ACSF2: variants seen among roughly 807,000 people sequenced by gnomAD.
ACSF2 encodes acyl-CoA synthetase family member 2, also known as medium-chain acyl-CoA ligase ACSF2, mitochondrial.
In ACSF2, 52 loss-of-function variants were observed where a neutral mutation model predicts 79.3. That is an observed-to-expected ratio of 0.66 (90% confidence interval 0.53 to 0.83). The LOEUF (loss-of-function observed/expected upper bound fraction) is 0.83. Among genes scored for constraint, ACSF2 ranks in the 40% least tolerant of loss-of-function variants. ACSF2 has a pLI of 0.00. For missense variants in ACSF2, 661 were observed against 803.3 expected (o/e 0.82, Z 2.14); for synonymous variants, 283 against 312.6 (o/e 0.91, Z 1.00).
chr17:50,438,628 G>A (rs940415620), intron 1 of ACSF2, among the ~76,000 whole-genome samples: 18 of 151,882 alleles, frequency 1.2e-4, no homozygotes, highest in Non-Finnish European at 1.8e-4. Flanking sequence ...GTACGACAGC[G>A]CTGTCTAGGC....
In ACSF2 at chr17:50,473,858, A is replaced by G. The variant is rs1330079148; in HGVS notation, c.1618-36A>G. 3 of 1,610,604 alleles carry G rather than the reference A, an allele frequency of 1.9e-6. No homozygotes were observed. In the African/African-American group the frequency reaches 4.0e-5, roughly 22 times the overall value. ...CCAGAAACAAGAAACACACATGAAC[A>G]CGGTGATGTCTGATATTTTTCTTTG... On this transcript the variant is annotated intron_variant, in intron 13 of 15. Coordinates refer to ENST00000300441, the MANE Select transcript of ACSF2 (RefSeq NM_025149.6).
rs762702800 is a variant in ACSF2, at chr17:50,465,294, CT to C, written c.1215+1001del. On this transcript the variant is annotated intron_variant, in intron 10 of 15. Coordinates refer to ENST00000300441, the MANE Select transcript of ACSF2 (RefSeq NM_025149.6). ...GGGGACCTGTTTACCTGGCCCCCAC[CT>C]GTTTAATGGCGGCCAGCTTTCTTGG... The C allele has an allele frequency of 3.8e-5, 61 of 1,614,100 alleles. 1 individual carries two copies. The South Asian group carries it at 6.3e-4, about 17-fold the overall frequency.
chr17:50,465,323 C>T, intron 10 of ACSF2: 4 of 1,614,086 alleles, frequency 2.5e-6, no homozygotes, highest in South Asian at 1.1e-5. Context: ...TTTCTTGGAC[C>T]TCTTGGTGGG....
At position 50,463,118 on chromosome 17, in the gene ACSF2, GAGA is replaced by G. The variant is rs757654058; in HGVS notation, c.793-35_793-33del. On this transcript the variant is annotated intron_variant, in intron 6 of 15. Transcript: ENST00000300441. This position sits in a 1 kb window ranked among gnomAD's most constrained non-coding sequence, Gnocchi z 4.6. Reference sequence around the variant, plus strand: ...CAGTGGCCCAGGGTGGGAAGGAGATGAGAAGGAGGCCAAGCCATGCCCTGTTTG... The same window carrying G: ...CAGTGGCCCAGGGTGGGAAGGAGATGAGGAGGCCAAGCCATGCCCTGTTTG... 1.3e-6 allele frequency: 2 copies of G among 1,572,294 alleles called. No homozygotes were observed. Among genetic ancestry groups the G allele is most frequent in the Admixed American group, 1.7e-5 (1 of 59,430 alleles).
chr17:50,447,434 G>C (rs527561227), intron 1 of ACSF2, among the ~76,000 whole-genome samples: 3 of 151,924 alleles, frequency 2.0e-5, no homozygotes, highest in Admixed American at 6.6e-5. Context: ...CAGCTACTCG[G>C]GGGGTGCTGG....
At chr17:50,468,888 C>A (rs992981893) in intron 10 of ACSF2, 127 of 1,434,440 alleles carry the variant, frequency 8.9e-5, no homozygotes, top group East Asian at 2.8e-4. Flanking sequence ...CCTAGGCGCT[C>A]GGGTCTGCCG....
intron 1 of ACSF2, among the ~76,000 whole-genome samples, chr17:50,435,970 T>C (rs1471453197): frequency 6.6e-6 from 1 of 152,070 alleles, no homozygotes; most frequent in Non-Finnish European, 1.5e-5. Flanking sequence ...ATCTTGCTTT[T>C]GGTGTCAAGC....
In ACSF2 at chr17:50,430,580, G is replaced by A. The variant is rs185064830; in HGVS notation, c.128+4191G>A. ...CTTGGGAGGCTGAGGCAGGAGAATC[G>A]CTTAAACCCGGGAGGAGAAGGTTGC... On this transcript the variant is annotated intron_variant, in intron 1 of 15. Coordinates refer to ENST00000300441, the MANE Select transcript of ACSF2 (RefSeq NM_025149.6). Among the ~76,000 whole-genome samples, 168 of 152,206 alleles carry A rather than the reference G, an allele frequency of 1.1e-3. 2 individuals are homozygous for A. Among genetic ancestry groups the A allele is most frequent in the African/African-American group, 3.9e-3 (163 of 41,528 alleles).
At chr17:50,452,044 A>T (rs1434033204) in intron 1 of ACSF2, among the ~76,000 whole-genome samples, 7 of 152,062 alleles carry the variant, frequency 4.6e-5, no homozygotes, top group Admixed American at 4.6e-4. Context: ...CTTGCTCCTG[A>T]CTTCTCTACT....
Position 50,474,593 on chromosome 17 carries a change from C to A in ACSF2, c.*41C>A, listed in dbSNP as rs531889168. On this transcript the variant is annotated 3_prime_UTR_variant, in exon 16 of 16. Transcript: ENST00000300441. This position sits in a 1 kb window ranked among gnomAD's most constrained non-coding sequence, Gnocchi z 4.2. Reference sequence around the variant, plus strand: ...TGTCCTGGCCGGTTGGCTTGACTCTCTCCTGTCAGAATGCAACCTGGCTTT... The same window carrying A: ...TGTCCTGGCCGGTTGGCTTGACTCTATCCTGTCAGAATGCAACCTGGCTTT... The A allele has an allele frequency of 1.2e-6, 2 of 1,602,882 alleles. No individual in the cohort carries two copies. Among genetic ancestry groups the A allele is most frequent in the Non-Finnish European group, 1.7e-6 (2 of 1,170,220 alleles).
intron 12 of ACSF2, 65 bp from the exon 13 acceptor site, chr17:50,473,600 C>G: frequency 1.2e-6 from 2 of 1,608,106 alleles, no homozygotes; most frequent in South Asian, 1.1e-5. Context: ...AAATGTTTCA[C>G]GACTGAGCAA....
rs765996539 is a variant in ACSF2, at chr17:50,473,732, C to A, written c.1543C>A (p.Arg515=). 2 of 1,614,078 alleles carry A rather than the reference C, an allele frequency of 1.2e-6. No individual in the cohort carries two copies. The highest frequency in any genetic ancestry group is 8.5e-7 in the Non-Finnish European group (1 of 1,180,046). ...IVGRSKDMII[R]GGENIYPAEL... ...GGGCCGCTCTAAGGATATGATCATC[C>A]GGGGTGGTGAGAACATCTACCCCGC... Residue 515 remains arginine (R), a synonymous_variant, in exon 13 of 16, where the codon CGG becomes AGG. Coordinates refer to ENST00000300441, the MANE Select transcript of ACSF2 (RefSeq NM_025149.6).
At position 50,470,996 on chromosome 17, in the gene ACSF2, C is replaced by G. The variant is rs377415722; in HGVS notation, c.1216-32C>G. The G allele has an allele frequency of 2.6e-6, 4 of 1,527,088 alleles. No individual in the cohort carries two copies. The African/African-American group carries it at 5.5e-5, about 21-fold the overall frequency. The allele number at this position is 1,527,088 out of a possible 1,614,324, so 94.6% of individuals were successfully genotyped here. A position where few individuals can be genotyped will look rare whatever the true frequency, so the allele number is the denominator to read the frequency against. On this transcript the variant is annotated intron_variant, in intron 10 of 15. Transcript: ENST00000300441. The stretch of plus-strand genomic sequence containing the variant: ...ACCTGATCCCTCTGCACGTGCTGAG[C>G]CCTCTTCAAACACCCTTTCTGGACC...
rs957199769 is a variant in ACSF2 at position 50,464,021 on chromosome 17, C to A, written c.1138+112C>A. 7.6e-6 allele frequency: 5 copies of A among 654,230 alleles called. No homozygotes were observed. In the African/African-American group the frequency reaches 9.7e-5, roughly 13 times the overall value. The allele number at this position is 654,230 out of a possible 1,614,324, so 40.5% of individuals were successfully genotyped here. On this transcript the variant is annotated intron_variant, in intron 9 of 15. Transcript: ENST00000300441. ...TCTTTTATATAGGGGGCAAGAAGGA[C>A]GCTGTAAAAATGTGGGTGGGAGGGA...
chr17:50,471,035 A>G lies in ACSF2; in HGVS notation c.1223A>G (p.Tyr408Cys), dbSNP rs2143801151. 1 of 1,613,838 alleles carries G rather than the reference A, an allele frequency of 6.2e-7. No homozygotes were observed. The highest frequency in any genetic ancestry group is 8.5e-7 in the Non-Finnish European group (1 of 1,179,848). ...KINMKDLVVA[Y>C]GTTENSPVTF... ...CCTTTCTGGACCCTCTAGGTTGCTT[A>G]TGGAACCACAGAGAACAGTCCCGTG... The change falls in exon 11 of 16, where the codon TAT becomes TGT. Residue 408 changes from tyrosine (Y) to cysteine (C), a missense_variant. By Grantham distance (194) the Tyr-to-Cys change is radical. Transcript: ENST00000300441. The surrounding 1 kb of genome is among the most constrained non-coding windows in gnomAD (Gnocchi z 4.1).
chr17:50,442,571 A>T (rs2031008736), intron 1 of ACSF2, among the ~76,000 whole-genome samples: 1 of 151,822 alleles, frequency 6.6e-6, no homozygotes, highest in South Asian at 2.1e-4. Context: ...GCTCAATCAA[A>T]CATCCTGCCT....
chr17:50,438,187 T>C (rs1598394686), intron 1 of ACSF2, among the ~76,000 whole-genome samples: 1 of 152,364 alleles, frequency 6.6e-6, no homozygotes, highest in East Asian at 1.9e-4. Flanking sequence ...TCCTCCTATG[T>C]ACTTTAGATA....
chr17:50,473,850 A>G, intron 13 of ACSF2, 44 bp downstream of exon 13: 1 of 1,612,228 alleles, frequency 6.2e-7, no homozygotes, highest in Non-Finnish European at 8.5e-7. Flanking sequence ...CAAGAAACAC[A>G]CATGAACACG....
intron 1 of ACSF2, among the ~76,000 whole-genome samples, chr17:50,458,507 G>A (rs931220398): frequency 4.6e-5 from 7 of 152,234 alleles, no homozygotes; most frequent in African/African-American, 1.7e-4. Flanking sequence ...TTTCCTTGGA[G>A]CCCCAGGTGA....
Sources: allele counts gnomAD v4.1 joint callset (sites outside exome capture counted in the v4.1 genomes callset), GRCh38; gene constraint gnomAD v4.1.1; non-coding constraint Gnocchi (gnomAD v3.1); transcripts MANE v1.5; gene names NCBI Gene and HGNC (gene_info 2026-07-23, HGNC 2026-07-21).